Variants in RAD51AP1 observed in about 807,000 individuals in gnomAD.
The protein encoded by RAD51AP1 is RAD51 associated protein 1.
A neutral mutation model predicts 34.3 loss-of-function variants in RAD51AP1; 14 were observed. The observed-to-expected ratio is 0.41, with a 90% CI of 0.27 to 0.64. The LOEUF (loss-of-function observed/expected upper bound fraction) is 0.64. RAD51AP1 is among the 30% of genes least tolerant of loss of function. The pLI is 0.33. For synonymous variants in RAD51AP1, 114 were observed against 129.8 expected (o/e 0.88, Z 0.83); for missense variants, 348 against 386.9 (o/e 0.90, Z 0.84).
chr12:4,555,562 A>G (rs1039475032), intron 7 of RAD51AP1, among the ~76,000 whole-genome samples: 7 of 152,174 alleles, frequency 4.6e-5, no homozygotes, highest in African/African-American at 1.7e-4. Flanking sequence ...ATCTACACCC[A>G]GTGTCTATCT....
intron 3 of RAD51AP1, 84 bp from the exon 4 acceptor site, chr12:4,546,225 G>T (rs1944505153): frequency 9.8e-7 from 1 of 1,023,154 alleles, no homozygotes; most frequent in Admixed American, 2.3e-5. Flanking sequence ...CTCTTGAATA[G>T]TAATTTGGAG....
intron 1 of RAD51AP1, among the ~76,000 whole-genome samples, chr12:4,540,939 G>C (rs574595987): frequency 1.3e-5 from 2 of 152,154 alleles, no homozygotes; most frequent in African/African-American, 4.8e-5. Flanking sequence ...AGAACAACCA[G>C]CTGACAAATT....
intron 7 of RAD51AP1, among the ~76,000 whole-genome samples, chr12:4,554,230 G>A (rs1944567089): frequency 6.6e-6 from 1 of 152,090 alleles, no homozygotes; most frequent in South Asian, 2.1e-4. Context: ...TTGGCTTGTG[G>A]CCCCTTCCAC....
At chr12:4,546,257 A>C in intron 3 of RAD51AP1, 52 bp from the exon 4 acceptor site, 1 of 1,322,690 alleles carries the variant, frequency 7.6e-7, no homozygotes, top group East Asian at 2.3e-5. Flanking sequence ...TTTGCTCTTT[A>C]GTTGAGATTG....
At chr12:4,552,600 G>A (rs79548305) in intron 6 of RAD51AP1, among the ~76,000 whole-genome samples, 2,253 of 152,280 alleles carry the variant, frequency 0.015, 54 homozygotes, top group African/African-American at 0.051. Flanking sequence ...GAGTTAAAAT[G>A]GTAAAATCTG....
chr12:4,543,905 G>T lies in RAD51AP1; in HGVS notation c.209+1G>T. 1 of 1,599,742 alleles carries T rather than the reference G, an allele frequency of 6.3e-7. No homozygotes were observed. Among genetic ancestry groups the T allele is most frequent in the Non-Finnish European group, 8.5e-7 (1 of 1,171,034 alleles). On this transcript the variant is annotated splice_donor_variant, in intron 3 of 8. Coordinates refer to ENST00000352618, the MANE Select transcript of RAD51AP1 (RefSeq NM_006479.5). LOFTEE classifies it high-confidence loss of function. ...TACAAGAGAAAACCCCTAAAAAAAG[G>T]TGAGAGGTAAGACATGCAGTAAATA...
At position 4,559,234 on chromosome 12, in the gene RAD51AP1, T is replaced by C; in HGVS notation, c.*241T>C. Reference sequence around the variant, plus strand: ...TTTCCTTGTGAAGAGCGTATTCTGTTTTTCTATCAGTTCGACATGAAGTCC... The same window carrying C: ...TTTCCTTGTGAAGAGCGTATTCTGTCTTTCTATCAGTTCGACATGAAGTCC... On this transcript the variant is annotated 3_prime_UTR_variant, in exon 9 of 9. Coordinates refer to ENST00000352618, the MANE Select transcript of RAD51AP1 (RefSeq NM_006479.5). The C allele has an allele frequency of 2.6e-6, 1 of 387,990 alleles. No homozygotes were observed. The highest frequency in any genetic ancestry group is 4.6e-6 in the Non-Finnish European group (1 of 218,818). The allele number at this position is 387,990 out of a possible 1,614,324, so 24.0% of individuals were successfully genotyped here.
At chr12:4,547,971 C>T (rs2137262465) in intron 4 of RAD51AP1, 121 bp from the exon 5 acceptor site, 1 of 993,590 alleles carries the variant, frequency 1.0e-6, no homozygotes, top group Non-Finnish European at 1.4e-6. Flanking sequence ...ATTATTGTGC[C>T]AGTTGGAGTT....
rs1437216087 is a variant in RAD51AP1 at position 4,552,084 on chromosome 12, G to T, written c.557-899G>T. Among the ~76,000 whole-genome samples, 4 of 152,214 alleles carry T rather than the reference G, an allele frequency of 2.6e-5. No homozygotes were observed. In the East Asian group the frequency reaches 7.7e-4, roughly 29 times the overall value. ...GTATGGTCTGTATTTTCTACAATCA[G>T]CATGTACTGTTTATTTTTCATTTTA... On this transcript the variant is annotated intron_variant, in intron 6 of 8. Coordinates refer to ENST00000352618, the MANE Select transcript of RAD51AP1 (RefSeq NM_006479.5).
chr12:4,546,331 T>C lies in RAD51AP1; in HGVS notation c.232T>C (p.Tyr78His), dbSNP rs1453196197. Residue 78 changes from tyrosine (Y) to histidine (H), a missense_variant, in exon 4 of 9, where the codon TAC becomes CAC. Tyr to His is a moderately conservative substitution (Grantham distance 83). Transcript: ENST00000352618. ...TAGGATGGCTTTAGATGACAAGCTC[T>C]ACCAGAGAGACTTAGAAGTTGCACT... The part of the protein sequence containing the change: ...KKRMALDDKL[Y>H]QRDLEVALAL... 1 of 1,611,540 alleles carries C rather than the reference T, an allele frequency of 6.2e-7. No individual in the cohort carries two copies. The highest frequency in any genetic ancestry group is 8.5e-7 in the Non-Finnish European group (1 of 1,178,968).
At chr12:4,545,682 C>A in intron 3 of RAD51AP1, 1 of 1,265,314 alleles carries the variant, frequency 7.9e-7, no homozygotes, top group Non-Finnish European at 1.1e-6. Flanking sequence ...TCTTATACTC[C>A]ATAGCACTTT....
rs375466989 is a variant in RAD51AP1 at position 4,548,994 on chromosome 12, AAG to A, written c.556+159_556+160del. Among the ~76,000 whole-genome samples, 178 of 152,322 alleles carry A rather than the reference AAG, an allele frequency of 1.2e-3. 1 individual carries two copies. The highest frequency in any genetic ancestry group is 4.1e-3 in the African/African-American group (169 of 41,564). ...AATTCAGTGATAGCATTTGGGGAAAAAGTTTTTTCTACGAGTTAACCTTTAAG... is the reference window on the plus strand; with the variant it reads ...AATTCAGTGATAGCATTTGGGGAAAATTTTTTCTACGAGTTAACCTTTAAG... On this transcript the variant is annotated intron_variant, in intron 6 of 8. Coordinates refer to ENST00000352618, the MANE Select transcript of RAD51AP1 (RefSeq NM_006479.5).
intron 1 of RAD51AP1, among the ~76,000 whole-genome samples, chr12:4,540,097 T>G (rs1033934790): frequency 4.6e-5 from 7 of 152,134 alleles, no homozygotes; most frequent in Non-Finnish European, 8.8e-5. Context: ...AACTTGCTGA[T>G]GAAGTAGATG....
intron 6 of RAD51AP1, among the ~76,000 whole-genome samples, chr12:4,550,702 C>T (rs190621209): frequency 1.6e-3 from 249 of 152,378 alleles, no homozygotes; most frequent in African/African-American, 5.2e-3. Context: ...TGTAGTGGCA[C>T]GATCTTGGCT....
At position 4,538,956 on chromosome 12, in the gene RAD51AP1, G is replaced by A. The variant is rs1944428192; in HGVS notation, c.17G>A (p.Arg6Lys). 1.9e-6 allele frequency: 3 copies of A among 1,613,788 alleles called. No individual in the cohort carries two copies. Among genetic ancestry groups the A allele is most frequent in the African/African-American group, 2.7e-5 (2 of 74,946 alleles). Residue 6 changes from arginine (R) to lysine (K), a missense_variant and splice_region_variant, in exon 1 of 9, where the codon AGA becomes AAA. By Grantham distance (26) the Arg-to-Lys change is conservative. Transcript: ENST00000352618. ...AAAGGGACCATGGTGCGGCCTGTGA[G>A]GTGGGTAGTTCCTGACATTCGTCGG... Reference protein sequence around the residue: MVRPVRHKKPVNYSQF... With the variant: MVRPVKHKKPVNYSQF...
rs1944600640 is a variant in RAD51AP1, at chr12:4,558,840, CAT to C, written c.872-14_872-13del. The C allele has an allele frequency of 3.7e-6, 6 of 1,608,070 alleles. No individual in the cohort carries two copies. The highest frequency in any genetic ancestry group is 1.1e-5 in the South Asian group (1 of 90,860). Reference sequence around the variant, plus strand: ...ATTTCTGACATCATCAGCATCACATCATATGTTTCCTTTCAGCGGCATCTGGA... The same window carrying C: ...ATTTCTGACATCATCAGCATCACATCATGTTTCCTTTCAGCGGCATCTGGA... On this transcript the variant is annotated splice_polypyrimidine_tract_variant and intron_variant, in intron 8 of 8. Coordinates refer to ENST00000352618, the MANE Select transcript of RAD51AP1 (RefSeq NM_006479.5).
At chr12:4,542,802 C>A (rs1040226727) in intron 2 of RAD51AP1, among the ~76,000 whole-genome samples, 3 of 152,142 alleles carry the variant, frequency 2.0e-5, no homozygotes, top group African/African-American at 7.2e-5. Context: ...TTTACGTTGA[C>A]AGTCAAGAGT....
intron 3 of RAD51AP1, chr12:4,545,301 C>A: frequency 9.5e-6 from 4 of 421,282 alleles, no homozygotes; most frequent in South Asian, 1.7e-5. Context: ...GTGAAAGAAG[C>A]CAGATATACA....
At chr12:4,549,289 A>G (rs1361751570) in intron 6 of RAD51AP1, among the ~76,000 whole-genome samples, 1 of 152,218 alleles carries the variant, frequency 6.6e-6, no homozygotes, top group Admixed American at 6.5e-5. Context: ...TATGAAATCT[A>G]TATTTTATTA....
Sources: gnomAD v4.1 joint callset for allele counts (sites outside exome capture counted in the v4.1 genomes callset) on GRCh38, gnomAD v4.1.1 for gene constraint, MANE v1.5 for transcripts, NCBI Gene and HGNC (gene_info 2026-07-23, HGNC 2026-07-21) for gene names.